MARCHF5: variants seen among roughly 807,000 people sequenced by gnomAD.
MARCHF5 encodes membrane associated ring-CH-type finger 5, also known as E3 ubiquitin-protein ligase MARCHF5.
Under a neutral mutation model 36.5 loss-of-function variants are expected in MARCHF5, and 5 were observed. That is an observed-to-expected ratio of 0.14 (90% CI 0.07 to 0.29). MARCHF5 has a LOEUF of 0.29. Among genes scored for constraint, MARCHF5 ranks in the 10% least tolerant of loss-of-function variants. The pLI is 1.00. For missense variants in MARCHF5, 179 were observed against 336.3 expected (o/e 0.53, Z 3.66); for synonymous variants, 103 against 109.9 (o/e 0.94, Z 0.39).
chr10:92,333,182 GAAA>G (rs201275153), intron 2 of MARCHF5, among the ~76,000 whole-genome samples: 2 of 127,340 alleles, frequency 1.6e-5, no homozygotes, highest in Admixed American at 1.6e-4. Context: ...AAAAAAAAAA[GAAA>G]AAAAAAATTC....
intron 1 of MARCHF5, among the ~76,000 whole-genome samples, chr10:92,297,152 A>G (rs578000061): frequency 6.6e-6 from 1 of 151,374 alleles, no homozygotes; most frequent in Non-Finnish European, 1.5e-5. Flanking sequence ...ATAGAAAAGT[A>G]TATTAATAGA....
intron 1 of MARCHF5, among the ~76,000 whole-genome samples, chr10:92,303,762 A>G (rs1843043132): frequency 6.6e-6 from 1 of 152,236 alleles, no homozygotes; most frequent in Non-Finnish European, 1.5e-5. Context: ...AAAAACCATC[A>G]TAATTTTAAA....
intron 2 of MARCHF5, among the ~76,000 whole-genome samples, chr10:92,324,104 T>G (rs1843325330): frequency 6.6e-6 from 1 of 152,242 alleles, no homozygotes; most frequent in African/African-American, 2.4e-5. Flanking sequence ...TGTATAGAGG[T>G]ATCTCATTTT....
chr10:92,342,479 C>T (rs562039439), intron 3 of MARCHF5, among the ~76,000 whole-genome samples: 1 of 152,250 alleles, frequency 6.6e-6, no homozygotes, highest in Admixed American at 6.5e-5. Context: ...TCTATTCAGT[C>T]CACTGACCAA....
chr10:92,351,207 A>C lies in MARCHF5; in HGVS notation c.837A>C (p.Ter279TyrextTer2). The C allele has an allele frequency of 3.8e-6, 6 of 1,578,760 alleles. No individual in the cohort carries two copies. The highest frequency in any genetic ancestry group is 5.2e-6 in the Non-Finnish European group (6 of 1,149,940). The change falls in exon 6 of 6, where the codon TAA (stop) becomes TAC (tyrosine). Residue 279 changes from the stop codon to tyrosine (Y), a stop_lost. Transcript: ENST00000358935. ...ILNYPEQEEA[*>Y] ...ATTATCCAGAACAAGAAGAAGCATA[A>C]AACTGACTTCTGGTTGTTCTGCAGT...
chr10:92,321,427 C>T (rs1430961211), intron 2 of MARCHF5, among the ~76,000 whole-genome samples: 1 of 152,040 alleles, frequency 6.6e-6, no homozygotes, highest in Non-Finnish European at 1.5e-5. Flanking sequence ...TCATATTAGA[C>T]TCGCCTGGGG....
rs1281126936 is a variant in MARCHF5 at position 92,351,150 on chromosome 10, A to G, written c.780A>G (p.Gln260=). Residue 260 remains glutamine (Q), a synonymous_variant, in exon 6 of 6, where the codon CAA becomes CAG. Coordinates refer to ENST00000358935, the MANE Select transcript of MARCHF5 (RefSeq NM_017824.5). ...TTAAAGTTTACTTCAAACAGCAGCA[A>G]TATTTACGACAGGCACACCGCAAAA... is the stretch of plus-strand genomic sequence containing the variant. ...GAFKVYFKQQ[Q]YLRQAHRKIL... The G allele has an allele frequency of 2.5e-6, 4 of 1,613,796 alleles. No individual in the cohort carries two copies. Among genetic ancestry groups the G allele is most frequent in the Non-Finnish European group, 3.4e-6 (4 of 1,179,850 alleles).
intron 2 of MARCHF5, among the ~76,000 whole-genome samples, chr10:92,317,701 A>G (rs1464721448): frequency 3.3e-5 from 5 of 150,440 alleles, no homozygotes. Context: ...ATATAAGATC[A>G]TGTCATTGTT....
chr10:92,307,790 G>A (rs1242910933), intron 1 of MARCHF5, among the ~76,000 whole-genome samples: 1 of 151,894 alleles, frequency 6.6e-6, no homozygotes, highest in Admixed American at 6.6e-5. Flanking sequence ...CATGAGAATC[G>A]CTTGAACCGG....
chr10:92,334,947 C>T (rs548787473), intron 2 of MARCHF5, among the ~76,000 whole-genome samples: 14 of 152,124 alleles, frequency 9.2e-5, no homozygotes, highest in African/African-American at 3.1e-4. Flanking sequence ...TCTCTGGTGC[C>T]CTTTAAATTA....
chr10:92,309,026 G>A (rs1256956995), intron 1 of MARCHF5, among the ~76,000 whole-genome samples: 1 of 152,100 alleles, frequency 6.6e-6, no homozygotes, highest in Non-Finnish European at 1.5e-5. Flanking sequence ...TTAAATGTCA[G>A]TTCTAAAAAG....
chr10:92,293,168 T>C (rs931284828), intron 1 of MARCHF5, among the ~76,000 whole-genome samples: 5 of 152,224 alleles, frequency 3.3e-5, no homozygotes, highest in African/African-American at 1.2e-4. Flanking sequence ...GGCATTGGCA[T>C]GATCTCAACT....
intron 1 of MARCHF5, among the ~76,000 whole-genome samples, chr10:92,306,050 C>G (rs1843069977): frequency 6.6e-6 from 1 of 152,172 alleles, no homozygotes; most frequent in African/African-American, 2.4e-5. Flanking sequence ...TTGGTTAAGT[C>G]AAAAACCCAA....
At chr10:92,332,515 C>CTTTTT (rs34226671) in intron 2 of MARCHF5, among the ~76,000 whole-genome samples, 10 of 95,924 alleles carry the variant, frequency 1.0e-4, no homozygotes, top group Non-Finnish European at 1.8e-4. Context: ...ATTCCCCATC[C>CTTTTT]TTTTTTTTTT....
chr10:92,292,608 G>T (rs1385547521), intron 1 of MARCHF5, among the ~76,000 whole-genome samples: 1 of 152,132 alleles, frequency 6.6e-6, no homozygotes, highest in Non-Finnish European at 1.5e-5. Context: ...TTTTTTTGGA[G>T]CTTAGAATTT....
At chr10:92,325,518 G>T (rs1366938984) in intron 2 of MARCHF5, among the ~76,000 whole-genome samples, 1 of 152,118 alleles carries the variant, frequency 6.6e-6, no homozygotes, top group East Asian at 1.9e-4. Context: ...CTGATGGATT[G>T]TCCCTTTACC....
At chr10:92,310,742 G>A (rs1843135347) in intron 1 of MARCHF5, among the ~76,000 whole-genome samples, 1 of 152,034 alleles carries the variant, frequency 6.6e-6, no homozygotes, top group Non-Finnish European at 1.5e-5. Flanking sequence ...GATTGGTGGT[G>A]GTGAACTGGG....
chr10:92,309,155 T>C (rs1048469123), intron 1 of MARCHF5, among the ~76,000 whole-genome samples: 1 of 152,226 alleles, frequency 6.6e-6, no homozygotes, highest in African/African-American at 2.4e-5. Context: ...ATAAGAATTA[T>C]AGAATCTAAA....
At chr10:92,337,121 CAA>C (rs199761409) in intron 2 of MARCHF5, among the ~76,000 whole-genome samples, 21 of 129,430 alleles carry the variant, frequency 1.6e-4, no homozygotes, top group Admixed American at 3.0e-4. Flanking sequence ...GACTCTGTCT[CAA>C]AAAAAAAAAA....
Sources: allele counts gnomAD v4.1 joint callset (sites outside exome capture counted in the v4.1 genomes callset), GRCh38; gene constraint gnomAD v4.1.1; transcripts MANE v1.5; gene names NCBI Gene and HGNC (gene_info 2026-07-23, HGNC 2026-07-21).